The following NUP214 variants were observed in gnomAD, a reference collection of about 807,000 sequenced individuals.
The protein encoded by NUP214 is nuclear pore complex protein Nup214.
A neutral mutation model predicts 196.2 loss-of-function variants in NUP214; 79 were observed. That is an observed-to-expected ratio of 0.40 (90% CI 0.34 to 0.49). The LOEUF (loss-of-function observed/expected upper bound fraction) is 0.49, where lower values mean the gene tolerates loss of function less well. Among genes scored for constraint, NUP214 ranks in the 20% least tolerant of loss-of-function variants. The pLI, the probability that NUP214 is intolerant of heterozygous loss-of-function variation, is 0.58. For missense variants in NUP214, 2,468 were observed against 2,539.0 expected (o/e 0.97, Z 0.60); for synonymous variants, 1,020 against 990.5 (o/e 1.03, Z -0.56).
chr9:131,173,441 A>G (rs1833015284), intron 21 of NUP214, among the ~76,000 whole-genome samples: 1 of 140,584 alleles, frequency 7.1e-6, no homozygotes, highest in African/African-American at 2.7e-5. Flanking sequence ...TATGTTGCCT[A>G]AGCTGGTCTT....
Position 131,197,444 on chromosome 9 carries a change from T to C in NUP214, c.3950T>C (p.Leu1317Pro), listed in dbSNP as rs1424664024. ...AAGCTGGAAACCCCACCGTCCAAGC[T>C]GGGAGAGCTTCTGTTTCCAAGTTCT... ...SSKLETPPSK[L>P]GELLFPSSLA... Residue 1317 changes from leucine to proline, a missense_variant, in exon 29 of 36, where the codon CTG becomes CCG. Transcript: ENST00000359428. The C allele has an allele frequency of 1.2e-6, 2 of 1,614,146 alleles. No individual in the cohort carries two copies. The highest frequency in any genetic ancestry group is 8.5e-7 in the Non-Finnish European group (1 of 1,180,016).
intron 32 of NUP214, among the ~76,000 whole-genome samples, chr9:131,226,208 A>C (rs1049125143): frequency 6.6e-6 from 1 of 152,212 alleles, no homozygotes; most frequent in South Asian, 2.1e-4. Context: ...AGCACCTGGC[A>C]TATAGTGGGC....
chr9:131,217,550 AT>A (rs1834438891), intron 31 of NUP214, among the ~76,000 whole-genome samples: 1 of 152,188 alleles, frequency 6.6e-6, no homozygotes, highest in African/African-American at 2.4e-5. Flanking sequence ...ATGGCTCTTC[AT>A]TTTCCATTGA....
chr9:131,227,708 A>G (rs1435354118), intron 32 of NUP214, among the ~76,000 whole-genome samples: 2 of 152,142 alleles, frequency 1.3e-5, no homozygotes, highest in Non-Finnish European at 2.9e-5. Flanking sequence ...CTGTGTACTG[A>G]TAAGTAATAT....
intron 17 of NUP214, among the ~76,000 whole-genome samples, chr9:131,152,753 G>T (rs557437615): frequency 1.3e-5 from 2 of 151,776 alleles, no homozygotes; most frequent in East Asian, 3.9e-4. Context: ...GCTCTTTTCT[G>T]TATGCTACAC....
intron 17 of NUP214, chr9:131,159,151 C>T: frequency 2.0e-6 from 1 of 507,486 alleles, no homozygotes; most frequent in Non-Finnish European, 3.5e-6. Context: ...TGGCTTCAAG[C>T]AGTCCTCCTG....
rs1243191048 is a variant in NUP214, at chr9:131,150,368, G to C, written c.2085G>C (p.Gln695His). Residue 695 changes from glutamine to histidine, a missense_variant, in exon 15 of 36, where the codon CAG becomes CAC. Gln to His is a conservative substitution (Grantham distance 24). Coordinates refer to ENST00000359428, the MANE Select transcript of NUP214 (RefSeq NM_005085.4). Reference sequence around the variant, plus strand: ...CTGTTGCAGAAAAGCAGGGACATCAGTGGAAAGATTCAGATCCTGTAATGG... The same window carrying C: ...CTGTTGCAGAAAAGCAGGGACATCACTGGAAAGATTCAGATCCTGTAATGG... ...QPAVAEKQGH[Q>H]WKDSDPVMAG... is the part of the protein sequence containing the mutation. 6.2e-7 allele frequency: 1 copy of C among 1,614,112 alleles called. No homozygotes were observed. The highest frequency in any genetic ancestry group is 8.5e-7 in the Non-Finnish European group (1 of 1,180,050).
chr9:131,230,264 G>A (rs1272417392), intron 33 of NUP214: 3 of 208,816 alleles, frequency 1.4e-5, no homozygotes, highest in Non-Finnish European at 2.9e-5. Context: ...GGATGTGGGG[G>A]AATGGTCGGT....
Position 131,197,507 on chromosome 9 carries a change from G to A in NUP214, c.4013G>A (p.Arg1338Gln), listed in dbSNP as rs1439655697. Residue 1338 changes from arginine to glutamine, a missense_variant, in exon 29 of 36, where the codon CGG becomes CAG. Coordinates refer to ENST00000359428, the MANE Select transcript of NUP214 (RefSeq NM_005085.4). ...ACTCTGGGAAGTTTTTCAGGACTGC[G>A]GGTTGGCCAAGCAGATGATTCTACA... is the stretch of plus-strand genomic sequence containing the variant. ...GETLGSFSGL[R>Q]VGQADDSTKP... 4.3e-6 allele frequency: 7 copies of A among 1,614,172 alleles called. No individual in the cohort carries two copies. Among genetic ancestry groups the A allele is most frequent in the East Asian group, 4.5e-5 (2 of 44,888 alleles).
chr9:131,206,385 A>G lies in NUP214; in HGVS notation c.5592+4668A>G, dbSNP rs111543330. Among the ~76,000 whole-genome samples, 197 of 151,076 alleles carry G rather than the reference A, an allele frequency of 1.3e-3. 5 individuals carry two copies. Among genetic ancestry groups the G allele is most frequent in the Middle Eastern group, 3.4e-3 (1 of 290 alleles). On this transcript the variant is annotated intron_variant, in intron 30 of 35. Transcript: ENST00000359428. ...GGTCTTGAACTCCTGGGCTTAAGCA[A>G]TCTGCCTGCCTCGGCCTCCCAAAGT...
intron 6 of NUP214, 63 bp from the exon 7 acceptor site, chr9:131,133,043 T>C: frequency 8.1e-7 from 1 of 1,230,424 alleles, no homozygotes; most frequent in Non-Finnish European, 1.2e-6. Context: ...AAACATAAGC[T>C]GCTTTTTCTT....
At chr9:131,174,975 C>T (rs545388791) in intron 22 of NUP214, among the ~76,000 whole-genome samples, 1 of 152,300 alleles carries the variant, frequency 6.6e-6, no homozygotes, top group Non-Finnish European at 1.5e-5. Flanking sequence ...CATCCACACT[C>T]ATATCTTTTA....
chr9:131,233,392 G>C (rs1834930629), intron 35 of NUP214, 62 bp from the exon 36 acceptor site: 15 of 1,498,896 alleles, frequency 1.0e-5, no homozygotes, highest in Non-Finnish European at 1.4e-5. Flanking sequence ...CAGAGCAGCA[G>C]AGCCTGTGAC....
At chr9:131,165,693 T>C (rs147000958) in intron 21 of NUP214, among the ~76,000 whole-genome samples, 40 of 152,368 alleles carry the variant, frequency 2.6e-4, no homozygotes, top group African/African-American at 7.2e-4. Flanking sequence ...GACAGCATTA[T>C]TGGTAATAGC....
chr9:131,203,262 A>G (rs1439037385), intron 30 of NUP214, among the ~76,000 whole-genome samples: 1 of 152,132 alleles, frequency 6.6e-6, no homozygotes, highest in Non-Finnish European at 1.5e-5. Context: ...AGTCTTTTAT[A>G]CAAATTAACT....
chr9:131,151,485 A>C (rs938171355), intron 16 of NUP214, among the ~76,000 whole-genome samples: 6 of 152,216 alleles, frequency 3.9e-5, no homozygotes, highest in African/African-American at 1.4e-4. Context: ...GTAGTGTTAG[A>C]GCTACTGTCT....
chr9:131,183,232 C>T (rs1315641295), intron 24 of NUP214, among the ~76,000 whole-genome samples: 1 of 151,994 alleles, frequency 6.6e-6, no homozygotes, highest in African/African-American at 2.4e-5. Flanking sequence ...TTACAGGTGC[C>T]CACCATCACA....
Position 131,129,307 on chromosome 9 carries a change from A to G in NUP214, c.422A>G (p.Tyr141Cys), listed in dbSNP as rs772631965. The G allele has an allele frequency of 1.2e-6, 2 of 1,614,212 alleles. No individual in the cohort carries two copies. Among genetic ancestry groups the G allele is most frequent in the South Asian group, 2.2e-5 (2 of 91,088 alleles). The change falls in exon 4 of 36, where the codon TAT (tyrosine) becomes TGT (cysteine). Residue 141 changes from tyrosine (Y) to cysteine (C), a missense_variant. Around this residue, in one of 5 missense-constraint regions of NUP214, gnomAD observed 392 missense variants for 417.9 expected, o/e 0.94. Coordinates refer to ENST00000359428, the MANE Select transcript of NUP214 (RefSeq NM_005085.4). ...EAKQQKRPFA[Y>C]HKLLKDAGGM... ...AAACAGCAAAAACGCCCATTTGCCTATCATAAGCTTTTGAAAGATGCAGGA... is the reference window on the plus strand; with the variant it reads ...AAACAGCAAAAACGCCCATTTGCCTGTCATAAGCTTTTGAAAGATGCAGGA...
rs1337375527 is a variant in NUP214 at position 131,139,235 on chromosome 9, TCTTTTTTCTTCTTCTTCTTC to T, written c.1006-45_1006-26del. Reference sequence around the variant, plus strand: ...CAAAGCTCTAACCAACATGGCTTTTTCTTTTTTCTTCTTCTTCTTCTTTTTTTTTTTTTTTTTTTTTTTAG... The same window carrying T: ...CAAAGCTCTAACCAACATGGCTTTTTTTTTTTTTTTTTTTTTTTTTTTTAG... On this transcript the variant is annotated intron_variant, in intron 9 of 35. Coordinates refer to ENST00000359428, the MANE Select transcript of NUP214 (RefSeq NM_005085.4). 6 of 1,457,254 alleles carry T rather than the reference TCTTTTTTCTTCTTCTTCTTC, an allele frequency of 4.1e-6. No homozygotes were observed. In the South Asian group the frequency reaches 7.0e-5, roughly 17 times the overall value. 90.3% of individuals were successfully genotyped at this position (1,457,254 alleles called of 1,614,324 possible). A position where few individuals can be genotyped will look rare whatever the true frequency, so the allele number is the denominator to read the frequency against.
Sources: allele counts gnomAD v4.1 joint callset (sites outside exome capture counted in the v4.1 genomes callset), GRCh38; gene constraint gnomAD v4.1.1; regional missense constraint gnomAD v4.1.1; transcripts MANE v1.5; gene names NCBI Gene and HGNC (gene_info 2026-07-23, HGNC 2026-07-21).